The following PMPCB variants were observed in gnomAD, a reference collection of about 807,000 sequenced individuals.
PMPCB encodes peptidase, mitochondrial processing subunit beta.
Under a neutral mutation model 61.5 loss-of-function variants are expected in PMPCB, and 46 were observed. The observed-to-expected ratio is 0.75, with a 90% CI of 0.59 to 0.96. PMPCB has a LOEUF of 0.96. Ranked by LOEUF, PMPCB falls within the 40% of genes least tolerant of loss-of-function variation. PMPCB has a pLI of 0.00. For synonymous variants in PMPCB, 191 were observed against 201.6 expected, an observed-to-expected ratio of 0.95 and a Z score of 0.44; for missense variants, 590 against 602.4, an observed-to-expected ratio of 0.98 and a Z score of 0.22.
chr7:103,298,565 C>G lies in PMPCB; in HGVS notation c.100-3C>G. ...GTCTCTTCCACTTCCTACCCCCAAC[C>G]AGTCATTATATTTTGGAGAGAACAG... On this transcript the variant is annotated splice_region_variant and splice_polypyrimidine_tract_variant and intron_variant, in intron 1 of 12. Coordinates refer to ENST00000249269, the MANE Select transcript of PMPCB (RefSeq NM_004279.3). 6.2e-7 allele frequency: 1 copy of G among 1,613,404 alleles called. No individual in the cohort carries two copies. The highest frequency in any genetic ancestry group is 1.1e-5 in the South Asian group (1 of 90,966).
downstream of PMPCB, among the ~76,000 whole-genome samples, chr7:103,318,800 A>AT (rs900720045): frequency 2.6e-5 from 4 of 152,192 alleles, no homozygotes; most frequent in African/African-American, 9.7e-5. Flanking sequence ...CAAAACAATT[A>AT]TTTTTTTCTA....
intron 4 of PMPCB, among the ~76,000 whole-genome samples, chr7:103,303,176 G>A (rs1180260192): frequency 3.9e-5 from 6 of 152,234 alleles, no homozygotes; most frequent in African/African-American, 1.4e-4. Context: ...GAGTGCAGTG[G>A]TGCAATCGCA....
In PMPCB at chr7:103,303,863, T is replaced by G. The variant is rs148787640; in HGVS notation, c.479T>G (p.Ile160Arg). Residue 160 changes from isoleucine (I) to arginine (R), a missense_variant, in exon 5 of 13, where the codon ATA becomes AGA. Ile to Arg is a moderately conservative substitution (Grantham distance 97). Coordinates refer to ENST00000249269, the MANE Select transcript of PMPCB (RefSeq NM_004279.3). ...LPRAVEILADIIQNSTLGEAE... is the reference protein window; with the variant it reads ...LPRAVEILADRIQNSTLGEAE... Reference sequence around the variant, plus strand: ...TTAGCTGTAGAAATTCTTGCTGATATAATACAAAACAGCACATTGGGAGAA... The same window carrying G: ...TTAGCTGTAGAAATTCTTGCTGATAGAATACAAAACAGCACATTGGGAGAA... 1.2e-6 allele frequency: 2 copies of G among 1,611,044 alleles called. No individual in the cohort carries two copies. The highest frequency in any genetic ancestry group is 1.7e-6 in the Non-Finnish European group (2 of 1,178,528).
chr7:103,317,596 A>C (rs1303127560), downstream of PMPCB, among the ~76,000 whole-genome samples: 1 of 152,148 alleles, frequency 6.6e-6, no homozygotes, highest in South Asian at 2.1e-4. Flanking sequence ...CAATAATGCT[A>C]ACCTTGAAAA....
At chr7:103,330,784 G>C (rs187928445), downstream of PMPCB, among the ~76,000 whole-genome samples, 71 of 150,126 alleles carry the variant, frequency 4.7e-4, 1 homozygote, top group East Asian at 0.011. Flanking sequence ...GTTTCGTCAT[G>C]TTGGCCAGGC....
chr7:103,322,833 T>C (rs771376034), intron 12 of PMPCB: 3 of 1,473,090 alleles, frequency 2.0e-6, no homozygotes, highest in East Asian at 2.3e-5. Flanking sequence ...CTACTGCTTA[T>C]AGATGCTATG....
chr7:103,341,451 C>T, the PMPCB span, among the ~76,000 whole-genome samples: 1 of 152,258 alleles, frequency 6.6e-6, no homozygotes, highest in Middle Eastern at 3.4e-3. Context: ...TCTTTTACTC[C>T]TTTGTGTCTT....
rs1412838710 is a variant in PMPCB at position 103,300,257 on chromosome 7, G to C, written c.407G>C (p.Arg136Thr). ...MGAHLNAYTS[R>T]EQTVYYAKAF... Reference sequence around the variant, plus strand: ...GCTCATCTCAATGCCTATACCTCCAGAGAGCAGACTGTATACTATGCCAAA... The same window carrying C: ...GCTCATCTCAATGCCTATACCTCCACAGAGCAGACTGTATACTATGCCAAA... Residue 136 changes from arginine (R) to threonine (T), a missense_variant, in exon 4 of 13, where the codon AGA (arginine) becomes ACA (threonine). Transcript: ENST00000249269. 1 of 1,612,518 alleles carries C rather than the reference G, an allele frequency of 6.2e-7. No homozygotes were observed. The highest frequency in any genetic ancestry group is 8.5e-7 in the Non-Finnish European group (1 of 1,178,656).
chr7:103,331,618 C>T (rs765410359), downstream of PMPCB, among the ~76,000 whole-genome samples: 1 of 152,194 alleles, frequency 6.6e-6, no homozygotes, highest in East Asian at 1.9e-4. Context: ...GCAATATTTG[C>T]CTTTCTGTGC....
At chr7:103,307,791 T>C in intron 7 of PMPCB, 83 bp downstream of exon 7, 1 of 755,916 alleles carries the variant, frequency 1.3e-6, no homozygotes, top group Non-Finnish European at 2.3e-6. Flanking sequence ...ATGTGCATAT[T>C]TCCAGTAGGA....
chr7:103,335,489 G>A, the PMPCB span: 1 of 151,046 alleles, frequency 6.6e-6, no homozygotes, highest in East Asian at 1.9e-4. Flanking sequence ...CAAAATTTTT[G>A]GCTAGAGAAT....
chr7:103,312,687 AACAG>A lies in PMPCB; in HGVS notation c.*420_*423del, dbSNP rs749143672. ...GTGATTTAAGAAGTTGCGATTTAAA[AACAG>A]ACATTTTAATCTAGTGTTTGGTGTA... On this transcript the variant is annotated 3_prime_UTR_variant, in exon 13 of 13. Coordinates refer to ENST00000249269, the MANE Select transcript of PMPCB (RefSeq NM_004279.3). 2.5e-6 allele frequency: 4 copies of A among 1,604,308 alleles called. No homozygotes were observed. The highest frequency in any genetic ancestry group is 3.4e-6 in the Non-Finnish European group (4 of 1,177,604).
intron 12 of PMPCB, chr7:103,320,732 A>T (rs1478388002): frequency 7.3e-6 from 1 of 137,520 alleles, no homozygotes; most frequent in Admixed American, 7.3e-5. Flanking sequence ...CGACAGAGCA[A>T]GACTCTGTCA....
chr7:103,333,443 A>G (rs141090613), downstream of PMPCB, among the ~76,000 whole-genome samples: 573 of 152,338 alleles, frequency 3.8e-3, 4 homozygotes, highest in African/African-American at 0.014. Context: ...TCAAAAGAAT[A>G]TATTTAATTT....
intron 12 of PMPCB, chr7:103,322,374 G>A (rs994725732): frequency 1.1e-5 from 10 of 943,878 alleles, no homozygotes; most frequent in African/African-American, 1.7e-5. Flanking sequence ...ATACCAACTG[G>A]TCATGATTCA....
Position 103,298,573 on chromosome 7 carries a change from A to G in PMPCB, c.105A>G (p.Leu35=), listed in dbSNP as rs1276507319. 13 of 1,613,742 alleles carry G rather than the reference A, an allele frequency of 8.1e-6. No homozygotes were observed. The highest frequency in any genetic ancestry group is 1.1e-5 in the Non-Finnish European group (13 of 1,179,848). The change falls in exon 2 of 13, where the codon TTA becomes TTG. Residue 35 remains leucine (L), a synonymous_variant. Coordinates refer to ENST00000249269, the MANE Select transcript of PMPCB (RefSeq NM_004279.3). ...CACTTCCTACCCCCAACCAGTCATT[A>G]TATTTTGGAGAGAACAGATTAAGAA... ...LLIRGAAGRS[L]YFGENRLRST... is the part of the protein sequence containing the mutation.
At position 103,329,047 on chromosome 7, in the gene PMPCB, G is replaced by A. The variant is rs549104794; in HGVS notation, c.*1548G>A. 1.1e-5 allele frequency: 13 copies of A among 1,199,428 alleles called. No homozygotes were observed. The East Asian group carries it at 2.5e-4, about 23-fold the overall frequency. The allele number at this position is 1,199,428 out of a possible 1,614,324, so 74.3% of individuals were successfully genotyped here. ...TTTACCACAGCCTCAGCCACAGTAC[G>A]TCTAATTATTTAAAATTTGTGATTA... On this transcript the variant is annotated 3_prime_UTR_variant and NMD_transcript_variant, in exon 13 of 13. Coordinates refer to the PMPCB transcript ENST00000444457.
chr7:103,323,433 A>T (rs1818529972), intron 12 of PMPCB, among the ~76,000 whole-genome samples: 1 of 152,216 alleles, frequency 6.6e-6, no homozygotes, highest in South Asian at 2.1e-4. Context: ...ATCTGGGCCC[A>T]CCTAGTTTAA....
the PMPCB span, chr7:103,336,877 T>C: frequency 2.6e-5 from 4 of 152,252 alleles, no homozygotes; most frequent in South Asian, 4.1e-4. Context: ...GGGGACGATT[T>C]TGAGTTCATC....
Sources: allele counts gnomAD v4.1 joint callset (sites outside exome capture counted in the v4.1 genomes callset), GRCh38; gene constraint gnomAD v4.1.1; transcripts MANE v1.5; gene names NCBI Gene and HGNC (gene_info 2026-07-23, HGNC 2026-07-21).